KCNIP4: variants seen among roughly 807,000 people sequenced by gnomAD.
The protein encoded by KCNIP4 is Kv channel-interacting protein 4.
A neutral mutation model predicts 34.0 loss-of-function variants in KCNIP4; 12 were observed. The ratio of observed to expected loss-of-function variants is 0.35; its 90% CI spans 0.23 to 0.57. The LOEUF (loss-of-function observed/expected upper bound fraction) is 0.57, where lower values mean the gene tolerates loss of function less well. Among genes scored for constraint, KCNIP4 ranks in the 20% least tolerant of loss-of-function variants. The pLI is 0.83. For synonymous variants in KCNIP4, 124 were observed against 102.2 expected (o/e 1.21, Z -1.29); for missense variants, 238 against 311.7 (o/e 0.76, Z 1.78).
At chr4:21,176,772 C>T (rs941550287) in intron 1 of KCNIP4, among the ~76,000 whole-genome samples, 1 of 152,158 alleles carries the variant, frequency 6.6e-6, no homozygotes, top group Non-Finnish European at 1.5e-5. Context: ...CCACCCACCT[C>T]GGCCTCCCAA....
intron 1 of KCNIP4, among the ~76,000 whole-genome samples, chr4:21,267,234 T>A (rs1761868124): frequency 6.6e-6 from 1 of 152,196 alleles, no homozygotes; most frequent in African/African-American, 2.4e-5. Context: ...GTTTAATGTG[T>A]ATTTTAATTG....
chr4:20,956,612 G>T (rs996121527), intron 1 of KCNIP4, among the ~76,000 whole-genome samples: 1 of 152,038 alleles, frequency 6.6e-6, no homozygotes, highest in African/African-American at 2.4e-5. Context: ...CACTGCAGAA[G>T]AATAAAACAA....
At chr4:21,219,297 A>G (rs1191069869) in intron 1 of KCNIP4, among the ~76,000 whole-genome samples, 1 of 152,162 alleles carries the variant, frequency 6.6e-6, no homozygotes, top group Non-Finnish European at 1.5e-5. Flanking sequence ...GGTGCTCGTC[A>G]AAAAGCCTAA....
chr4:20,745,624 G>T (rs1752258074), intron 5 of KCNIP4, among the ~76,000 whole-genome samples: 1 of 152,164 alleles, frequency 6.6e-6, no homozygotes, highest in Non-Finnish European at 1.5e-5. Flanking sequence ...TGATAAAGGG[G>T]TGGAGAGGTC....
rs573319156 is a variant in KCNIP4 at position 21,234,437 on chromosome 4, G to A, written c.62-351728C>T. Among the ~76,000 whole-genome samples, 79 of 101,446 alleles carry A rather than the reference G, an allele frequency of 7.8e-4. 20 individuals carry two copies. The highest frequency in any genetic ancestry group is 5.7e-3 in the Middle Eastern group (1 of 176). The allele number at this position is 101,446 out of a possible 152,430, so 66.6% of individuals were successfully genotyped here. On this transcript the variant is annotated intron_variant, in intron 1 of 8. Coordinates refer to ENST00000382152, the MANE Select transcript of KCNIP4 (RefSeq NM_025221.6). Reference sequence around the variant, plus strand: ...ATATACTATATATATTACATATAACGTATATAATATATATTACATATAACG... The same window carrying A: ...ATATACTATATATATTACATATAACATATATAATATATATTACATATAACG...
chr4:20,994,109 A>T lies in KCNIP4; in HGVS notation c.62-111400T>A, dbSNP rs568468672. On this transcript the variant is annotated intron_variant, in intron 1 of 8. Transcript: ENST00000382152. Reference sequence around the variant, plus strand: ...CTTATTTTAAGGACATCTGATGAGCAACCTTAATTTCATTCACAATACTGA... The same window carrying T: ...CTTATTTTAAGGACATCTGATGAGCTACCTTAATTTCATTCACAATACTGA... Among the ~76,000 whole-genome samples, 14 of 152,354 alleles carry T rather than the reference A, an allele frequency of 9.2e-5. No individual in the cohort carries two copies. The South Asian group carries it at 2.3e-3, about 25-fold the overall frequency.
intron 1 of KCNIP4, among the ~76,000 whole-genome samples, chr4:21,616,655 C>A (rs1201746022): frequency 6.6e-6 from 1 of 152,144 alleles, no homozygotes; most frequent in East Asian, 1.9e-4. Context: ...CTGTGGTTTG[C>A]TGGCAATCCG....
At chr4:20,905,509 C>CTTTTTTTTTTTTTTTTCTTTTTTTTTTTT (rs10686415) in intron 1 of KCNIP4, among the ~76,000 whole-genome samples, 1 of 72,804 alleles carries the variant, frequency 1.4e-5, no homozygotes, top group Non-Finnish European at 2.7e-5. Flanking sequence ...CGTTTTCTTT[C>CTTTTTTTTTTTTTTTTCTTTTTTTTTTTT]TTTTTTTTTT....
At chr4:21,781,864 G>A (rs1387478380) in intron 1 of KCNIP4, among the ~76,000 whole-genome samples, 1 of 152,014 alleles carries the variant, frequency 6.6e-6, no homozygotes, top group Non-Finnish European at 1.5e-5. Flanking sequence ...ACTTCAACTG[G>A]TAAAGTGTTG....
chr4:21,211,418 G>C (rs1757214123), intron 1 of KCNIP4, among the ~76,000 whole-genome samples: 1 of 152,146 alleles, frequency 6.6e-6, no homozygotes, highest in African/African-American at 2.4e-5. Flanking sequence ...TGGATCAGCT[G>C]TGGCATTAGA....
At chr4:21,391,253 G>T (rs577411389) in intron 1 of KCNIP4, among the ~76,000 whole-genome samples, 20 of 152,234 alleles carry the variant, frequency 1.3e-4, no homozygotes, top group African/African-American at 4.8e-4. Context: ...TCACTAACAT[G>T]TAAAAAGTAA....
intron 1 of KCNIP4, among the ~76,000 whole-genome samples, chr4:21,755,354 C>T (rs1717435934): frequency 6.6e-6 from 1 of 152,152 alleles, no homozygotes; most frequent in Non-Finnish European, 1.5e-5. Context: ...ATGAATGACT[C>T]ATTTAGTTAC....
intron 1 of KCNIP4, among the ~76,000 whole-genome samples, chr4:21,902,757 G>A (rs1298234307): frequency 2.6e-5 from 4 of 152,130 alleles, no homozygotes; most frequent in African/African-American, 7.2e-5. Flanking sequence ...CTGGAGACCA[G>A]TAGACAGAAA....
intron 1 of KCNIP4, among the ~76,000 whole-genome samples, chr4:21,400,499 C>T (rs879365051): frequency 0.2 from 20,198 of 101,910 alleles, 2,281 homozygotes; most frequent in Middle Eastern, 0.27. Context: ...TCTCCCCTCC[C>T]TTCCCCTCCC....
intron 1 of KCNIP4, among the ~76,000 whole-genome samples, chr4:21,396,557 A>AAAAAAAAAAAAAT (rs1342918172): frequency 0.011 from 1,650 of 149,288 alleles, 64 homozygotes; most frequent in Non-Finnish European, 0.017. Flanking sequence ...TCCAAAAAAA[A>AAAAAAAAAAAAAT]AAAAAAAAAA....
intron 1 of KCNIP4, among the ~76,000 whole-genome samples, chr4:21,257,735 G>C (rs962938978): frequency 6.2e-5 from 9 of 145,894 alleles, no homozygotes; most frequent in African/African-American, 2.0e-4. Flanking sequence ...GGGTGACACA[G>C]CAAGACTCAG....
intron 5 of KCNIP4, among the ~76,000 whole-genome samples, chr4:20,743,768 A>T (rs2149314985): frequency 6.6e-6 from 1 of 152,276 alleles, no homozygotes; most frequent in South Asian, 2.1e-4. Flanking sequence ...AAATTGACAA[A>T]TGGGATCTAA....
chr4:21,519,111 C>A (rs922661075), intron 1 of KCNIP4, among the ~76,000 whole-genome samples: 2 of 152,018 alleles, frequency 1.3e-5, no homozygotes, highest in Non-Finnish European at 2.9e-5. Context: ...ATGCTGAAAT[C>A]CTAACCCCCA....
intron 1 of KCNIP4, among the ~76,000 whole-genome samples, chr4:21,230,270 C>A (rs1227006237): frequency 3.3e-5 from 5 of 152,138 alleles, no homozygotes; most frequent in Non-Finnish European, 7.3e-5. Flanking sequence ...TTGTAGAGTT[C>A]ATTCCCCTGC....
Sources: gnomAD v4.1 joint callset for allele counts (sites outside exome capture counted in the v4.1 genomes callset) on GRCh38, gnomAD v4.1.1 for gene constraint, MANE v1.5 for transcripts, NCBI Gene and HGNC (gene_info 2026-07-23, HGNC 2026-07-21) for gene names.